EGFR: variants seen among roughly 807,000 people sequenced by gnomAD.
EGFR encodes epidermal growth factor receptor, also known as avian erythroblastic leukemia viral (v-erb-b) oncogene homolog.
In EGFR, 58 loss-of-function variants were observed where a neutral mutation model predicts 143.0. The ratio of observed to expected loss-of-function variants is 0.41; its 90% confidence interval spans 0.33 to 0.50. The LOEUF (loss-of-function observed/expected upper bound fraction) is 0.50, where lower values mean the gene tolerates loss of function less well. EGFR is among the 20% of genes least tolerant of loss of function. The pLI, the probability that EGFR is intolerant of heterozygous loss-of-function variation, is 0.39. For synonymous variants in EGFR, 613 were observed against 594.4 expected, an observed-to-expected ratio of 1.03 and a Z score of -0.45; for missense variants, 1,307 against 1,579.0, an observed-to-expected ratio of 0.83 and a Z score of 2.92.
chr7:55,161,416 C>T (rs1398561661), intron 12 of EGFR, 83 bp from the exon 13 acceptor site: 3 of 1,524,824 alleles, frequency 2.0e-6, no homozygotes, highest in East Asian at 4.5e-5. Context: ...AGCACAGGGC[C>T]CCTCCCGGGA....
At chr7:55,093,716 G>A (rs1173434555) in intron 1 of EGFR, among the ~76,000 whole-genome samples, 3 of 152,300 alleles carry the variant, frequency 2.0e-5, no homozygotes, top group African/African-American at 4.8e-5. Context: ...ACTTTTAGCT[G>A]GTGGATGGCA....
chr7:55,149,533 G>A (rs911086026), intron 4 of EGFR, among the ~76,000 whole-genome samples: 1 of 152,092 alleles, frequency 6.6e-6, no homozygotes, highest in Non-Finnish European at 1.5e-5. Flanking sequence ...GGGTCAGCTG[G>A]GGTGTCGAGA....
At chr7:55,032,693 T>C (rs927497054) in intron 1 of EGFR, among the ~76,000 whole-genome samples, 2 of 152,238 alleles carry the variant, frequency 1.3e-5, no homozygotes, top group Non-Finnish European at 2.9e-5. Context: ...TTTCTGCTCA[T>C]TTTTCAATCA....
chr7:55,027,590 A>G (rs1786965745), intron 1 of EGFR, among the ~76,000 whole-genome samples: 1 of 152,232 alleles, frequency 6.6e-6, no homozygotes, highest in South Asian at 2.1e-4. Context: ...ACTGGAGTCC[A>G]GGTTATAGTT....
chr7:55,106,280 G>A (rs988717685), intron 1 of EGFR, among the ~76,000 whole-genome samples: 7 of 152,234 alleles, frequency 4.6e-5, no homozygotes, highest in Admixed American at 2.0e-4. Flanking sequence ...GTTGAACAGT[G>A]TGCGTCCAGG....
Position 55,102,274 on chromosome 7 carries a change from T to G in EGFR, c.89-40012T>G, listed in dbSNP as rs13437685. On this transcript the variant is annotated intron_variant, in intron 1 of 27. Coordinates refer to ENST00000275493, the MANE Select transcript of EGFR (RefSeq NM_005228.5). ...TTAATCTCCAAGGACATTTCCAAAT[T>G]CCTCTCCCCATCTCTCAGCCAGATG... Among the ~76,000 whole-genome samples, 1,088 of 152,102 alleles carry G rather than the reference T, an allele frequency of 7.2e-3. 16 individuals are homozygous for G. The highest frequency in any genetic ancestry group is 0.025 in the African/African-American group (1,022 of 41,482).
chr7:55,021,744 C>T (rs1010823629), intron 1 of EGFR, among the ~76,000 whole-genome samples: 1 of 152,324 alleles, frequency 6.6e-6, no homozygotes, highest in Non-Finnish European at 1.5e-5. Flanking sequence ...TCTAGACTTG[C>T]TGCTCTTAGA....
chr7:55,093,181 C>T (rs770828123), intron 1 of EGFR, among the ~76,000 whole-genome samples: 7 of 152,208 alleles, frequency 4.6e-5, no homozygotes, highest in Admixed American at 1.3e-4. Flanking sequence ...TTCCTTCCAG[C>T]GCCTAAGCCT....
intron 1 of EGFR, among the ~76,000 whole-genome samples, chr7:55,071,590 C>G (rs1189540286): frequency 6.6e-6 from 1 of 152,254 alleles, no homozygotes; most frequent in East Asian, 1.9e-4. Context: ...TGTCATCATC[C>G]CTTTCAGAGC....
chr7:55,116,860 T>C (rs1191383428), intron 1 of EGFR, among the ~76,000 whole-genome samples: 1 of 152,254 alleles, frequency 6.6e-6, no homozygotes, highest in African/African-American at 2.4e-5. Flanking sequence ...ACTGGGCAGT[T>C]CCATCATAGG....
intron 16 of EGFR, among the ~76,000 whole-genome samples, chr7:55,171,683 G>A (rs1006998526): frequency 6.6e-6 from 1 of 152,162 alleles, no homozygotes; most frequent in African/African-American, 2.4e-5. Flanking sequence ...AGGCAAAAGG[G>A]CTTCCTTCAA....
intron 25 of EGFR, 27 bp downstream of exon 25, chr7:55,201,382 T>C (rs2128971877): frequency 1.9e-6 from 3 of 1,613,970 alleles, no homozygotes. Flanking sequence ...TCTCTCTCTC[T>C]CTCAAGCTGT....
At chr7:55,134,184 C>T (rs560089494) in intron 1 of EGFR, among the ~76,000 whole-genome samples, 34 of 152,140 alleles carry the variant, frequency 2.2e-4, no homozygotes, top group Non-Finnish European at 4.1e-4. Flanking sequence ...GGACTCAGAA[C>T]TCAGCGAGGC....
chr7:55,173,912 C>A lies in EGFR; in HGVS notation c.2062-9C>A, dbSNP rs1179381056. ...GTGACCCTTGTCTCTGTGTTCTTGT[C>A]CCCCCCAGCTTGTGGAGCCTCTTAC... On this transcript the variant is annotated splice_polypyrimidine_tract_variant and intron_variant, in intron 17 of 27. Coordinates refer to ENST00000275493, the MANE Select transcript of EGFR (RefSeq NM_005228.5). The A allele has an allele frequency of 6.2e-7, 1 of 1,613,492 alleles. No individual in the cohort carries two copies. The highest frequency in any genetic ancestry group is 8.5e-7 in the Non-Finnish European group (1 of 1,179,588).
chr7:55,120,187 G>A (rs954026342), intron 1 of EGFR, among the ~76,000 whole-genome samples: 2 of 152,166 alleles, frequency 1.3e-5, no homozygotes, highest in African/African-American at 4.8e-5. Flanking sequence ...CTGGCAGGAG[G>A]ACTGCAGACA....
At chr7:55,089,817 G>A (rs1010437826) in intron 1 of EGFR, among the ~76,000 whole-genome samples, 18 of 152,094 alleles carry the variant, frequency 1.2e-4, no homozygotes, top group African/African-American at 2.7e-4. Flanking sequence ...ACCACCACAC[G>A]GGATTTGCTT....
intron 3 of EGFR, among the ~76,000 whole-genome samples, chr7:55,145,390 G>A (rs1378692388): frequency 4.6e-5 from 7 of 152,296 alleles, no homozygotes; most frequent in Middle Eastern, 3.4e-3. Flanking sequence ...AAAGCACCAC[G>A]ATTCAGCCCT....
intron 1 of EGFR, among the ~76,000 whole-genome samples, chr7:55,111,022 T>TC (rs929220505): frequency 6.6e-6 from 1 of 152,190 alleles, no homozygotes; most frequent in African/African-American, 2.4e-5. Flanking sequence ...TGTTGCTTTT[T>TC]CCCCCCTTCC....
chr7:55,190,338 C>G (rs927572412), intron 20 of EGFR, among the ~76,000 whole-genome samples: 8 of 152,118 alleles, frequency 5.3e-5, no homozygotes, highest in Non-Finnish European at 8.8e-5. Context: ...GCAAGCGTCT[C>G]TTTTCCAAAA....
Sources: allele counts gnomAD v4.1 joint callset (sites outside exome capture counted in the v4.1 genomes callset), GRCh38; gene constraint gnomAD v4.1.1; transcripts MANE v1.5; gene names NCBI Gene and HGNC (gene_info 2026-07-23, HGNC 2026-07-21).